LMF1: variants seen among roughly 807,000 people sequenced by gnomAD.
The protein encoded by LMF1 is lipase maturation factor 1.
Under a neutral mutation model 60.6 loss-of-function variants are expected in LMF1, and 68 were observed. The observed-to-expected ratio is 1.12, with a 90% CI of 0.92 to 1.37. The LOEUF is 1.37. LMF1 is among the 40% of genes most tolerant of loss of function. The pLI, the probability that LMF1 is intolerant of heterozygous loss-of-function variation, is 0.00. For synonymous variants in LMF1, 418 were observed against 324.7 expected (o/e 1.29, Z -3.09); for missense variants, 948 against 767.2 (o/e 1.24, Z -2.78).
At chr16:886,489 C>G (rs966805917) in intron 5 of LMF1, among the ~76,000 whole-genome samples, 8 of 152,042 alleles carry the variant, frequency 5.3e-5, no homozygotes, top group African/African-American at 1.9e-4. Context: ...CCGGCCAAAA[C>G]CACCCTGCAG....
chr16:924,451 T>C (rs2071535588), intron 3 of LMF1, among the ~76,000 whole-genome samples: 1 of 152,210 alleles, frequency 6.6e-6, no homozygotes. Flanking sequence ...CAGGCCACAC[T>C]GGCCACAGTG....
intron 2 of LMF1, among the ~76,000 whole-genome samples, chr16:936,862 G>A (rs976408655): frequency 2.0e-5 from 3 of 152,216 alleles, no homozygotes; most frequent in Non-Finnish European, 4.4e-5. Context: ...CAGTGACCTT[G>A]GGGCCGAGGC....
intron 4 of LMF1, chr16:904,816 G>A (rs1342366714): frequency 4.8e-4 from 26 of 54,194 alleles, no homozygotes; most frequent in Admixed American, 8.1e-4. Flanking sequence ...TGCACTGCCC[G>A]TGGGGACGCC....
intron 2 of LMF1, among the ~76,000 whole-genome samples, chr16:943,048 C>G (rs2072145661): frequency 6.6e-6 from 1 of 152,248 alleles, no homozygotes; most frequent in Non-Finnish European, 1.5e-5. Context: ...CTTTTCAGTT[C>G]TAAAATGTCC....
At position 923,280 on chromosome 16, in the gene LMF1, C is replaced by T. The variant is rs536580070; in HGVS notation, c.514+10964G>A. ...GATGTGGCAGCTGCTAACACTGGCA[C>T]GGTGCACTGTGGCCTACGAGGGTCC... On this transcript the variant is annotated intron_variant, in intron 3 of 10. Coordinates refer to ENST00000262301, the MANE Select transcript of LMF1 (RefSeq NM_022773.4). 1.4e-4 allele frequency among the ~76,000 whole-genome samples: 22 copies of T among 152,304 alleles called. No homozygotes were observed. In the East Asian group the frequency reaches 2.1e-3, roughly 15 times the overall value.
chr16:887,747 G>A (rs1361285387), intron 5 of LMF1, among the ~76,000 whole-genome samples: 1 of 152,164 alleles, frequency 6.6e-6, no homozygotes, highest in African/African-American at 2.4e-5. Context: ...ACCCTGGAAG[G>A]CATGGCCGTG....
At chr16:892,957 G>C in intron 5 of LMF1, 50 bp downstream of exon 5, 2 of 1,422,262 alleles carry the variant, frequency 1.4e-6, no homozygotes, top group Admixed American at 2.1e-5. Context: ...AGTGGGAACG[G>C]GGCGGCGTGA....
At chr16:908,358 C>A (rs112864311) in intron 4 of LMF1, among the ~76,000 whole-genome samples, 9,195 of 152,288 alleles carry the variant, frequency 0.06, 284 homozygotes, top group African/African-American at 0.072. Context: ...GCTATGCCCT[C>A]CTCCAACAAG....
At chr16:952,598 G>C (rs1346467619) in intron 2 of LMF1, 3 of 153,464 alleles carry the variant, frequency 2.0e-5, no homozygotes, top group African/African-American at 7.2e-5. Context: ...TCCATCCTGG[G>C]ACAGGGTCCT....
chr16:941,358 T>C lies in LMF1; in HGVS notation c.504-7104A>G, dbSNP rs184865406. On this transcript the variant is annotated intron_variant, in intron 2 of 10. Transcript: ENST00000262301. Reference sequence around the variant, plus strand: ...CCTCAGCCTCCTGAGTGGCTGGGACTACAGGCACGTGCAACTATGCCCGGG... The same window carrying C: ...CCTCAGCCTCCTGAGTGGCTGGGACCACAGGCACGTGCAACTATGCCCGGG... Among the ~76,000 whole-genome samples, 197 of 152,282 alleles carry C rather than the reference T, an allele frequency of 1.3e-3. 6 individuals carry two copies. Among genetic ancestry groups the C allele is most frequent in the Admixed American group, 9.5e-3 (146 of 15,292 alleles).
chr16:891,430 T>C (rs2070485967), intron 5 of LMF1, among the ~76,000 whole-genome samples: 2 of 152,278 alleles, frequency 1.3e-5, no homozygotes, highest in South Asian at 4.2e-4. Context: ...CGCCTCAGCA[T>C]CTCTTGCCAA....
At chr16:891,420 C>T (rs1022549784) in intron 5 of LMF1, among the ~76,000 whole-genome samples, 9 of 152,198 alleles carry the variant, frequency 5.9e-5, no homozygotes, top group African/African-American at 1.7e-4. Flanking sequence ...ACATGGTGGG[C>T]GCCTCAGCAT....
chr16:876,175 G>A (rs941402061), intron 6 of LMF1, among the ~76,000 whole-genome samples: 27 of 152,254 alleles, frequency 1.8e-4, no homozygotes, highest in Admixed American at 1.7e-3. Context: ...GACCACGGGC[G>A]TCTCGGAACC....
intron 4 of LMF1, among the ~76,000 whole-genome samples, chr16:898,739 G>A (rs1596943648): frequency 6.6e-6 from 1 of 152,214 alleles, no homozygotes; most frequent in Non-Finnish European, 1.5e-5. Context: ...TCTCTGACGG[G>A]ATTGGTTTGC....
chr16:865,779 T>C (rs2069594237), intron 10 of LMF1, among the ~76,000 whole-genome samples: 1 of 152,216 alleles, frequency 6.6e-6, no homozygotes, highest in Non-Finnish European at 1.5e-5. Flanking sequence ...ATGACATGAA[T>C]TCTGGATCTT....
upstream of LMF1, among the ~76,000 whole-genome samples, chr16:973,076 C>T (rs995913026): frequency 2.0e-5 from 3 of 152,174 alleles, no homozygotes; most frequent in Non-Finnish European, 2.9e-5. Context: ...ATCCAGGAGC[C>T]GGGCGCCTGT....
chr16:861,690 A>G (rs28862050), intron 10 of LMF1, among the ~76,000 whole-genome samples: 20,509 of 152,096 alleles, frequency 0.13, 4,193 homozygotes, highest in African/African-American at 0.44. Flanking sequence ...TTTGGTGGAT[A>G]CCTTGGGATT....
chr16:971,110 C>A (rs892427089), upstream of LMF1: 4 of 996,818 alleles, frequency 4.0e-6, no homozygotes, highest in Non-Finnish European at 4.0e-6. Context: ...GGAGGCCCCG[C>A]TCACAGTCCC....
In LMF1 at chr16:915,626, A is replaced by T. The variant is rs760719790; in HGVS notation, c.515-4547T>A. On this transcript the variant is annotated intron_variant, in intron 3 of 10. Transcript: ENST00000262301. ...CACTCATGCACCACCAGCCTTGGCG[A>T]CCCCAGTCAGAGGATGGAGGGTCCC... Among the ~76,000 whole-genome samples the T allele has an allele frequency of 1.1e-4, 16 of 151,940 alleles. 1 individual carries two copies. Among genetic ancestry groups the T allele is most frequent in the Admixed American group, 6.5e-5 (1 of 15,268 alleles).
Sources: allele counts gnomAD v4.1 joint callset (sites outside exome capture counted in the v4.1 genomes callset), GRCh38; gene constraint gnomAD v4.1.1; transcripts MANE v1.5; gene names NCBI Gene and HGNC (gene_info 2026-07-23, HGNC 2026-07-21).